Variants in IRAK3 observed in about 807,000 individuals in gnomAD.
The protein encoded by IRAK3 is interleukin-1 receptor-associated kinase 3.
A neutral mutation model predicts 56.6 loss-of-function variants in IRAK3; 57 were observed. That is an observed-to-expected ratio of 1.01 (90% CI 0.81 to 1.26). IRAK3 has a LOEUF of 1.26. IRAK3 is among the 50% of genes most tolerant of loss of function. The pLI is 0.00. For synonymous variants in IRAK3, 258 were observed against 255.7 expected (o/e 1.01, Z -0.09); for missense variants, 703 against 719.0 (o/e 0.98, Z 0.25).
rs11465956 is a variant in IRAK3, at chr12:66,209,710, A to C, written c.381+190A>C. ...GAAATTAGAGATTTATAAATATTTGAGAAATTAAGAGCTTTCTGTTCTCAG... is the reference window on the plus strand; with the variant it reads ...GAAATTAGAGATTTATAAATATTTGCGAAATTAAGAGCTTTCTGTTCTCAG... On this transcript the variant is annotated intron_variant, in intron 3 of 11. Coordinates refer to ENST00000261233, the MANE Select transcript of IRAK3 (RefSeq NM_007199.3). Among the ~76,000 whole-genome samples, 1,063 of 152,322 alleles carry C rather than the reference A, an allele frequency of 7.0e-3. 25 individuals are homozygous for C. Among genetic ancestry groups the C allele is most frequent in the African/African-American group, 0.025 (1,026 of 41,568 alleles).
At chr12:66,219,948 A>G (rs775902814) in intron 6 of IRAK3, among the ~76,000 whole-genome samples, 3 of 152,118 alleles carry the variant, frequency 2.0e-5, no homozygotes, top group Admixed American at 1.3e-4. Context: ...TTGTATCTTA[A>G]CACCTTATTA....
At chr12:66,247,564 C>T (rs1401787165) in intron 11 of IRAK3, 131 bp from the exon 12 acceptor site, 4 of 679,942 alleles carry the variant, frequency 5.9e-6, no homozygotes, top group African/African-American at 5.4e-5. Context: ...AAGATCCCTT[C>T]TAATTCAAAA....
chr12:66,249,800 A>T lies in IRAK3; in HGVS notation c.*1629A>T, dbSNP rs933970557. The T allele has an allele frequency of 1.4e-4, 22 of 152,134 alleles. No individual in the cohort carries two copies. The highest frequency in any genetic ancestry group is 5.3e-4 in the African/African-American group (22 of 41,418). 9.4% of individuals were successfully genotyped at this position (152,134 alleles called of 1,614,324 possible). On this transcript the variant is annotated 3_prime_UTR_variant, in exon 12 of 12. Coordinates refer to ENST00000261233, the MANE Select transcript of IRAK3 (RefSeq NM_007199.3). ...ATTCTGGCCCTTCTGCATGTCTTTT[A>T]TAAAGACCTTTGTGATTTCACTGGG...
chr12:66,223,581 C>T (rs1461029908), intron 6 of IRAK3, among the ~76,000 whole-genome samples: 1 of 149,654 alleles, frequency 6.7e-6, no homozygotes, highest in Non-Finnish European at 1.5e-5. Flanking sequence ...ATGGCGTGAA[C>T]CCAGGAGGCA....
chr12:66,228,393 G>C (rs199543878), intron 8 of IRAK3, 23 bp downstream of exon 8: 305 of 1,529,894 alleles, frequency 2.0e-4, no homozygotes, highest in Non-Finnish European at 2.5e-4. Context: ...AGAGCTTTTG[G>C]TTATACCTGA....
intron 5 of IRAK3, among the ~76,000 whole-genome samples, 154 bp from the exon 6 acceptor site, chr12:66,217,017 T>C (rs142019732): frequency 2.0e-4 from 30 of 152,290 alleles, no homozygotes; most frequent in Admixed American, 1.4e-3. Flanking sequence ...TTGTTGAAAA[T>C]CTGTTGAAAG....
intron 1 of IRAK3, among the ~76,000 whole-genome samples, chr12:66,191,079 G>GC (rs199625997): frequency 0.01 from 1,559 of 152,268 alleles, 20 homozygotes; most frequent in Admixed American, 0.017. Flanking sequence ...CTTGTGTTTG[G>GC]CAGAGACTCA....
In IRAK3 at chr12:66,215,868, C is replaced by T. The variant is rs1049608624; in HGVS notation, c.589-1303C>T. ...ATGAGAGCATTTAATGAAGCCTTAGCCACAGAACATTGTTAAAGAAATGCA... is the reference window on the plus strand; with the variant it reads ...ATGAGAGCATTTAATGAAGCCTTAGTCACAGAACATTGTTAAAGAAATGCA... On this transcript the variant is annotated intron_variant, in intron 5 of 11. Coordinates refer to ENST00000261233, the MANE Select transcript of IRAK3 (RefSeq NM_007199.3). 8.6e-5 allele frequency among the ~76,000 whole-genome samples: 13 copies of T among 150,492 alleles called. 2 individuals are homozygous for T. Among genetic ancestry groups the T allele is most frequent in the African/African-American group, 3.2e-4 (13 of 40,552 alleles).
At chr12:66,233,294 G>A (rs192766351) in intron 8 of IRAK3, among the ~76,000 whole-genome samples, 53 of 152,242 alleles carry the variant, frequency 3.5e-4, no homozygotes, top group African/African-American at 1.3e-3. Context: ...CGAGGCAGGC[G>A]GATCACGAGG....
intron 8 of IRAK3, among the ~76,000 whole-genome samples, chr12:66,241,881 G>A (rs916971381): frequency 1.3e-5 from 2 of 152,186 alleles, no homozygotes; most frequent in African/African-American, 4.8e-5. Context: ...TTTGCTGAAA[G>A]CATCCCACCA....
chr12:66,228,353 C>A lies in IRAK3; in HGVS notation c.870C>A (p.Ile290=), dbSNP rs2052810195. 9 of 1,612,550 alleles carry A rather than the reference C, an allele frequency of 5.6e-6. No individual in the cohort carries two copies. The East Asian group carries it at 2.0e-4, about 36-fold the overall frequency. Residue 290 remains isoleucine (I), a synonymous_variant, in exon 8 of 12, where the codon ATC becomes ATA. Coordinates refer to ENST00000261233, the MANE Select transcript of IRAK3 (RefSeq NM_007199.3). ...ACAACGTTCAACCATGCTCGGTCAT[C>A]TGTGGCAGTATATCAAGGTAAATTA... ...YLHNVQPCSV[I]CGSISSANIL...
In IRAK3 at chr12:66,248,122, G is replaced by C. The variant is rs2053056552; in HGVS notation, c.1742G>C (p.Cys581Ser). Reference sequence around the variant, plus strand: ...AGGAGCAGGCCAGTGGAGAGCAGCTGTTCCTCCAAATTTTCCTGGGATGAA... The same window carrying C: ...AGGAGCAGGCCAGTGGAGAGCAGCTCTTCCTCCAAATTTTCCTGGGATGAA... ...SCRSRPVESS[C>S]SSKFSWDEYE... The change falls in exon 12 of 12, where the codon TGT becomes TCT. Residue 581 changes from cysteine (C) to serine (S), a missense_variant. Physicochemically the swap from Cys to Ser is moderately radical, Grantham distance 112. Transcript: ENST00000261233. 1 of 1,612,052 alleles carries C rather than the reference G, an allele frequency of 6.2e-7. No homozygotes were observed. The highest frequency in any genetic ancestry group is 1.3e-5 in the African/African-American group (1 of 74,720).
At chr12:66,239,741 C>T (rs563150255) in intron 8 of IRAK3, among the ~76,000 whole-genome samples, 1 of 152,176 alleles carries the variant, frequency 6.6e-6, no homozygotes, top group African/African-American at 2.4e-5. Context: ...ATGATTTTTT[C>T]TAAGGGATGC....
At chr12:66,214,388 A>T (rs2052644747) in intron 5 of IRAK3, among the ~76,000 whole-genome samples, 1 of 151,948 alleles carries the variant, frequency 6.6e-6, no homozygotes, top group Non-Finnish European at 1.5e-5. Flanking sequence ...AAATTAAAAA[A>T]AAAATAGCTG....
intron 8 of IRAK3, among the ~76,000 whole-genome samples, chr12:66,233,011 A>ATTATTC (rs1555204618): frequency 6.6e-6 from 1 of 151,194 alleles, no homozygotes; most frequent in Non-Finnish European, 1.5e-5. Context: ...TATTATTATT[A>ATTATTC]TTATTTTTAA....
At chr12:66,198,702 G>T (rs921592606) in intron 1 of IRAK3, among the ~76,000 whole-genome samples, 1 of 151,148 alleles carries the variant, frequency 6.6e-6, no homozygotes, top group Non-Finnish European at 1.5e-5. Flanking sequence ...GATACAGGAT[G>T]CCTAATACTA....
Position 66,250,049 on chromosome 12 carries a change from T to C in IRAK3, c.*1878T>C, listed in dbSNP as rs936117990. 2.6e-5 allele frequency: 4 copies of C among 152,180 alleles called. No homozygotes were observed. Among genetic ancestry groups the C allele is most frequent in the Non-Finnish European group, 1.5e-5 (1 of 68,034 alleles). 9.4% of individuals were successfully genotyped at this position (152,180 alleles called of 1,614,324 possible). A position where few individuals can be genotyped will look rare whatever the true frequency, so the allele number is the denominator to read the frequency against. On this transcript the variant is annotated 3_prime_UTR_variant, in exon 12 of 12. Coordinates refer to ENST00000261233, the MANE Select transcript of IRAK3 (RefSeq NM_007199.3). ...CCTACACAGAGCAGGTGTTTCCTTA[T>C]AAATTAAGTTGAATTAAATTACCCC...
rs1198186342 is a variant in IRAK3 at position 66,228,284 on chromosome 12, A to G, written c.801A>G (p.Arg267=). The G allele has an allele frequency of 5.6e-6, 9 of 1,614,056 alleles. No individual in the cohort carries two copies. The highest frequency in any genetic ancestry group is 6.8e-6 in the Non-Finnish European group (8 of 1,180,016). The change falls in exon 8 of 12, where the codon CGA becomes CGG. Residue 267 remains arginine (R), a synonymous_variant. Coordinates refer to ENST00000261233, the MANE Select transcript of IRAK3 (RefSeq NM_007199.3). ...CGGCCCCACTCCCTTGGCACATTCG[A>G]ATCGGTATATTAATAGGAATATCCA... ...GDTAPLPWHI[R]IGILIGISKA...
intron 6 of IRAK3, among the ~76,000 whole-genome samples, chr12:66,225,035 C>T (rs2052771385): frequency 6.6e-6 from 1 of 152,108 alleles, no homozygotes; most frequent in South Asian, 2.1e-4. Context: ...CCTTGGTAAC[C>T]TCTAAAGTAT....
Sources: allele counts gnomAD v4.1 joint callset (sites outside exome capture counted in the v4.1 genomes callset), GRCh38; gene constraint gnomAD v4.1.1; transcripts MANE v1.5; gene names NCBI Gene and HGNC (gene_info 2026-07-23, HGNC 2026-07-21).